The following ADAMTS13 variants were observed in gnomAD, a reference collection of about 807,000 sequenced individuals.
The protein encoded by ADAMTS13 is ADAM metallopeptidase with thrombospondin type 1 motif 13.
In ADAMTS13, 110 loss-of-function variants were observed where a neutral mutation model predicts 155.1. The ratio of observed to expected loss-of-function variants is 0.71; its 90% CI spans 0.61 to 0.83. The LOEUF (loss-of-function observed/expected upper bound fraction) is 0.83, where lower values mean the gene tolerates loss of function less well. ADAMTS13 is among the 40% of genes least tolerant of loss of function. The pLI, the probability that ADAMTS13 is intolerant of heterozygous loss-of-function variation, is 0.00. For synonymous variants in ADAMTS13, 758 were observed against 756.4 expected (o/e 1.00, Z -0.03); for missense variants, 1,707 against 1,891.7 (o/e 0.90, Z 1.81).
chr9:133,454,319 A>G, intron 23 of ADAMTS13, 96 bp from the exon 24 acceptor site: 2 of 1,443,998 alleles, frequency 1.4e-6, no homozygotes, highest in Non-Finnish European at 1.9e-6. Context: ...CTGTCTAGGC[A>G]ACTGTCCGAG....
rs36221465 is a variant in ADAMTS13, at chr9:133,443,619, C to T, written c.2420+58C>T. 1.9e-3 allele frequency: 2,811 copies of T among 1,461,742 alleles called. 51 individuals carry two copies. The African/African-American group carries it at 0.035, about 18-fold the overall frequency. 90.5% of individuals were successfully genotyped at this position (1,461,742 alleles called of 1,614,324 possible). On this transcript the variant is annotated intron_variant, in intron 19 of 28. Coordinates refer to ENST00000355699, the MANE Select transcript of ADAMTS13 (RefSeq NM_139027.6). ...GCCTTCCTGGCAGAGCTCGTCCCTGCGCTGAGCCCCCATCCTTCTGAGAAT... is the reference window on the plus strand; with the variant it reads ...GCCTTCCTGGCAGAGCTCGTCCCTGTGCTGAGCCCCCATCCTTCTGAGAAT...
intron 1 of ADAMTS13, 151 bp downstream of exon 1, chr9:133,422,699 T>A (rs997553896): frequency 4.0e-6 from 3 of 747,296 alleles, no homozygotes; most frequent in Non-Finnish European, 6.8e-6. Context: ...CTTTGGGGGA[T>A]GAAGTGTGCT....
chr9:133,457,249 C>G (rs1023227527), intron 27 of ADAMTS13, among the ~76,000 whole-genome samples: 1 of 152,194 alleles, frequency 6.6e-6, no homozygotes, highest in Non-Finnish European at 1.5e-5. Context: ...CCCAACAGCC[C>G]GAGCTGGCCG....
Position 133,442,753 on chromosome 9 carries a change from G to A in ADAMTS13, c.2234+10G>A, listed in dbSNP as rs782310172. The A allele has an allele frequency of 3.2e-5, 51 of 1,611,594 alleles. No homozygotes were observed. Among genetic ancestry groups the A allele is most frequent in the Non-Finnish European group, 4.0e-5 (47 of 1,179,790 alleles). The stretch of plus-strand genomic sequence containing the variant: ...AACCCTGCCCTCCCTAGTGAGTGTG[G>A]TGCTGTCTGCGCAGCTCCAAGGGGG... On this transcript the variant is annotated intron_variant, in intron 18 of 28. Transcript: ENST00000355699.
At chr9:133,426,155 C>A (rs199560983) in intron 5 of ADAMTS13, 44 bp from the exon 6 acceptor site, 25 of 1,613,870 alleles carry the variant, frequency 1.5e-5, no homozygotes, top group Non-Finnish European at 2.1e-5. Context: ...CCAGGGCAGG[C>A]ACGTGCCTTG....
chr9:133,443,243 C>G, intron 18 of ADAMTS13, 133 bp from the exon 19 acceptor site: 1 of 1,161,700 alleles, frequency 8.6e-7, no homozygotes. Context: ...CTGGGAACAC[C>G]TGGAGAGGCT....
chr9:133,417,967 G>C, upstream of ADAMTS13: 1 of 916,282 alleles, frequency 1.1e-6, no homozygotes, highest in Non-Finnish European at 1.6e-6. Context: ...CAGGGACCCC[G>C]TCCAGGAAAA....
intron 7 of ADAMTS13, 180 bp from the exon 8 acceptor site, chr9:133,429,759 T>G: frequency 2.4e-6 from 2 of 843,740 alleles, no homozygotes; most frequent in Non-Finnish European, 3.9e-6. Flanking sequence ...GGCAGGAGCC[T>G]TAGTCTTGGT....
intron 11 of ADAMTS13, among the ~76,000 whole-genome samples, chr9:133,434,791 AT>A (rs1841053887): frequency 6.6e-6 from 1 of 151,798 alleles, no homozygotes. Context: ...GTCACTCCCC[AT>A]TTCTCCTCCG....
At chr9:133,458,695 G>T (rs1041444890) in intron 28 of ADAMTS13, among the ~76,000 whole-genome samples, 1 of 151,864 alleles carries the variant, frequency 6.6e-6, no homozygotes, top group Non-Finnish European at 1.5e-5. Flanking sequence ...CACCCTCCCC[G>T]AGGTTTCAAG....
At chr9:133,452,580 C>T (rs922072965) in intron 23 of ADAMTS13, among the ~76,000 whole-genome samples, 3 of 152,198 alleles carry the variant, frequency 2.0e-5, no homozygotes, top group South Asian at 2.1e-4. Context: ...TCACACTGCA[C>T]GCTGCCTGCA....
Position 133,456,618 on chromosome 9 carries a change from C to G in ADAMTS13, c.3623C>G (p.Ser1208Cys). The G allele has an allele frequency of 6.2e-7, 1 of 1,612,632 alleles. No individual in the cohort carries two copies. The highest frequency in any genetic ancestry group is 8.5e-7 in the Non-Finnish European group (1 of 1,179,636). ...AAGCTGTTGGACATGACTTTCAGCTCCAAGACCAACACGCTGGTGGTGAGG... is the reference window on the plus strand; with the variant it reads ...AAGCTGTTGGACATGACTTTCAGCTGCAAGACCAACACGCTGGTGGTGAGG... Reference protein sequence around the residue: ...CRKLLDMTFSSKTNTLVVRQR... With the variant: ...CRKLLDMTFSCKTNTLVVRQR... Residue 1208 changes from serine (S) to cysteine (C), a missense_variant, in exon 27 of 29, where the codon TCC becomes TGC. Physicochemically the swap from Ser to Cys is moderately radical, Grantham distance 112. Transcript: ENST00000355699. The surrounding 1 kb of genome is among the most constrained non-coding windows in gnomAD (Gnocchi z 4.4).
chr9:133,419,414 T>A (rs976859155), upstream of ADAMTS13, among the ~76,000 whole-genome samples: 3 of 152,126 alleles, frequency 2.0e-5, no homozygotes, highest in Non-Finnish European at 4.4e-5. Context: ...GTGCTGGAGA[T>A]GTAATTTGGA....
chr9:133,419,598 C>T (rs961460818), upstream of ADAMTS13, among the ~76,000 whole-genome samples: 1 of 151,976 alleles, frequency 6.6e-6, no homozygotes, highest in South Asian at 2.1e-4. Context: ...GGAGGAGAAG[C>T]GGATGTGAGT....
intron 24 of ADAMTS13, among the ~76,000 whole-genome samples, chr9:133,454,903 C>T (rs782127533): frequency 6.6e-5 from 10 of 152,162 alleles, no homozygotes; most frequent in Non-Finnish European, 1.5e-4. Context: ...GTGCCACGCA[C>T]CTGGCAAGGC....
Position 133,428,709 on chromosome 9 carries a change from C to T in ADAMTS13, c.762C>T (p.Ala254=), listed in dbSNP as rs1212704138. 16 of 1,353,474 alleles carry T rather than the reference C, an allele frequency of 1.2e-5. No homozygotes were observed. Among genetic ancestry groups the T allele is most frequent in the Non-Finnish European group, 1.5e-5 (16 of 1,051,178 alleles). The allele number at this position is 1,353,474 out of a possible 1,614,324, so 83.8% of individuals were successfully genotyped here. Residue 254 remains alanine, a synonymous_variant, in exon 7 of 29, where the codon GCC becomes GCT. Transcript: ENST00000355699. ...PSGHVMASDG[A]APRAGLAWSP... ...GACACGTGATGGCTTCGGACGGCGCCGCGCCCCGCGCCGGCCTCGCCTGGT... is the reference window on the plus strand; with the variant it reads ...GACACGTGATGGCTTCGGACGGCGCTGCGCCCCGCGCCGGCCTCGCCTGGT...
At chr9:133,447,296 C>CTTTTG (rs1425704691) in intron 21 of ADAMTS13, among the ~76,000 whole-genome samples, 1 of 152,040 alleles carries the variant, frequency 6.6e-6, no homozygotes, top group Admixed American at 6.6e-5. Flanking sequence ...CTTTTTCTCT[C>CTTTTG]TTTTCTTTTT....
chr9:133,417,861 G>T (rs368897286), upstream of ADAMTS13: 2 of 1,593,786 alleles, frequency 1.3e-6, no homozygotes, highest in Non-Finnish European at 1.7e-6. Context: ...GCCGTCCAGC[G>T]CCTGGGCCGG....
intron 8 of ADAMTS13, 97 bp from the exon 9 acceptor site, chr9:133,432,491 T>C: frequency 7.5e-6 from 8 of 1,065,952 alleles, no homozygotes; most frequent in Non-Finnish European, 1.1e-5. Flanking sequence ...GCTGTGTCAG[T>C]GTGTCCTGCA....
Sources: allele counts gnomAD v4.1 joint callset (sites outside exome capture counted in the v4.1 genomes callset), GRCh38; gene constraint gnomAD v4.1.1; non-coding constraint Gnocchi (gnomAD v3.1); transcripts MANE v1.5; gene names NCBI Gene and HGNC (gene_info 2026-07-23, HGNC 2026-07-21).